The following AKAP6 variants were observed in gnomAD, a reference collection of about 807,000 sequenced individuals.
AKAP6 encodes A-kinase anchor protein 6.
A neutral mutation model predicts 188.5 loss-of-function variants in AKAP6; 58 were observed. The observed-to-expected ratio is 0.31, with a 90% CI of 0.25 to 0.38. The LOEUF is 0.38. AKAP6 is among the 10% of genes least tolerant of loss of function. AKAP6 has a pLI of 1.00. For missense variants in AKAP6, 2,710 were observed against 2,740.0 expected (o/e 0.99, Z 0.24); for synonymous variants, 989 against 998.6 (o/e 0.99, Z 0.18).
intron 7 of AKAP6, among the ~76,000 whole-genome samples, chr14:32,648,035 CTTAA>C (rs1888056645): frequency 6.6e-6 from 1 of 151,966 alleles, no homozygotes; most frequent in Admixed American, 6.6e-5. Context: ...GTATAATTCC[CTTAA>C]TTGTCTTTTC....
intron 2 of AKAP6, among the ~76,000 whole-genome samples, chr14:32,517,059 T>C (rs889996080): frequency 2.0e-5 from 3 of 152,204 alleles, no homozygotes; most frequent in East Asian, 1.9e-4. Flanking sequence ...CAAAAGTGGA[T>C]CATATATGTT....
chr14:32,490,362 T>C (rs558266453), intron 2 of AKAP6, among the ~76,000 whole-genome samples: 2 of 152,348 alleles, frequency 1.3e-5, no homozygotes, highest in Admixed American at 1.3e-4. Flanking sequence ...TAAAACACTT[T>C]TTAAAAATTA....
At chr14:32,524,605 G>A (rs575311109) in intron 2 of AKAP6, among the ~76,000 whole-genome samples, 1 of 152,110 alleles carries the variant, frequency 6.6e-6, no homozygotes, top group Admixed American at 6.6e-5. Flanking sequence ...CTGCCCTAGA[G>A]ATTATTACAA....
At chr14:32,652,303 C>CA (rs1272600542) in intron 7 of AKAP6, among the ~76,000 whole-genome samples, 1 of 152,104 alleles carries the variant, frequency 6.6e-6, no homozygotes, top group African/African-American at 2.4e-5. Flanking sequence ...AGCCACCAGC[C>CA]ACCAAGAACT....
intron 4 of AKAP6, among the ~76,000 whole-genome samples, chr14:32,575,219 G>T (rs796261598): frequency 3.3e-5 from 5 of 152,230 alleles, no homozygotes; most frequent in African/African-American, 1.2e-4. Flanking sequence ...CGAAAGAACA[G>T]ACAAACTGAT....
intron 8 of AKAP6, among the ~76,000 whole-genome samples, chr14:32,687,856 G>A (rs893276153): frequency 3.9e-5 from 6 of 152,042 alleles, no homozygotes; most frequent in Non-Finnish European, 7.4e-5. Context: ...CACTATGTAA[G>A]TATTTAAATA....
rs1424230659 is a variant in AKAP6 at position 32,545,594 on chromosome 14, C to T, written c.941C>T (p.Ala314Val). Residue 314 changes from alanine (A) to valine (V), a missense_variant, in exon 4 of 14, where the codon GCA (alanine) becomes GTA (valine). Ala to Val is a moderately conservative substitution (Grantham distance 64, BLOSUM62 0). Coordinates refer to ENST00000280979, the MANE Select transcript of AKAP6 (RefSeq NM_004274.5). ...GGATGTGAGGAAGACAATGCTTCTG[C>T]AGTCGAAGAGCAACCAGGCTTAACA... The part of the protein sequence containing the change: ...KGGCEEDNAS[A>V]VEEQPGLTLG... 1 of 1,614,210 alleles carries T rather than the reference C, an allele frequency of 6.2e-7. No individual in the cohort carries two copies. The highest frequency in any genetic ancestry group is 8.5e-7 in the Non-Finnish European group (1 of 1,180,014).
rs988186389 is a variant in AKAP6 at position 32,463,131 on chromosome 14, G to C, written c.324+29314G>C. On this transcript the variant is annotated intron_variant, in intron 2 of 13. Coordinates refer to ENST00000280979, the MANE Select transcript of AKAP6 (RefSeq NM_004274.5). ...TTTTAGAGACTGACAAAGAGACTTAGACTCCCACACAGTAATAGTGGGAGA... is the reference window on the plus strand; with the variant it reads ...TTTTAGAGACTGACAAAGAGACTTACACTCCCACACAGTAATAGTGGGAGA... Among the ~76,000 whole-genome samples the C allele has an allele frequency of 2.0e-5, 3 of 152,120 alleles. No individual in the cohort carries two copies. The South Asian group carries it at 6.2e-4, about 32-fold the overall frequency.
chr14:32,433,721 G>T lies in AKAP6; in HGVS notation c.228G>T (p.Trp76Cys), dbSNP rs1460738473. 1 of 1,614,072 alleles carries T rather than the reference G, an allele frequency of 6.2e-7. No individual in the cohort carries two copies. The highest frequency in any genetic ancestry group is 1.3e-5 in the African/African-American group (1 of 74,920). The change falls in exon 2 of 14, where the codon TGG becomes TGT. Residue 76 changes from tryptophan to cysteine, a missense_variant. By Grantham distance (215) the Trp-to-Cys change is radical. Transcript: ENST00000280979. ...TCCACTTACCTGAAATTGAGACCTG[G>T]CTCCGGATGACCTCAGAGAGGGTCC... is the stretch of plus-strand genomic sequence containing the variant. ...IVLHLPEIETWLRMTSERVRD... is the reference protein window; with the variant it reads ...IVLHLPEIETCLRMTSERVRD...
intron 8 of AKAP6, among the ~76,000 whole-genome samples, chr14:32,692,879 C>T (rs914056583): frequency 6.6e-6 from 1 of 152,188 alleles, no homozygotes; most frequent in African/African-American, 2.4e-5. Context: ...TACACTCACA[C>T]TTTCCTAGAA....
chr14:32,422,019 A>T (rs1889866655), intron 1 of AKAP6, among the ~76,000 whole-genome samples: 1 of 152,182 alleles, frequency 6.6e-6, no homozygotes, highest in African/African-American at 2.4e-5. Context: ...CATTCTTTCT[A>T]GGTAATAAAC....
intron 1 of AKAP6, among the ~76,000 whole-genome samples, chr14:32,351,479 T>C (rs1482914359): frequency 1.3e-5 from 2 of 151,814 alleles, no homozygotes; most frequent in African/African-American, 4.8e-5. Context: ...GGAGAATCGC[T>C]TGAACCCTGG....
At chr14:32,747,303 A>T (rs1477852754) in intron 11 of AKAP6, among the ~76,000 whole-genome samples, 1 of 152,224 alleles carries the variant, frequency 6.6e-6, no homozygotes, top group Non-Finnish European at 1.5e-5. Flanking sequence ...AGGTGCCTGG[A>T]TCATCCCTGC....
At chr14:32,709,450 T>G (rs1191938962) in intron 9 of AKAP6, among the ~76,000 whole-genome samples, 1 of 152,038 alleles carries the variant, frequency 6.6e-6, no homozygotes, top group Non-Finnish European at 1.5e-5. Flanking sequence ...TACTTTCTGA[T>G]TTGAATCACC....
At chr14:32,748,927 A>G (rs2032019111) in intron 11 of AKAP6, among the ~76,000 whole-genome samples, 1 of 152,078 alleles carries the variant, frequency 6.6e-6, no homozygotes, top group African/African-American at 2.4e-5. Flanking sequence ...AAATTATTGC[A>G]TTATGAGTGC....
At chr14:32,419,196 C>A (rs961708019) in intron 1 of AKAP6, among the ~76,000 whole-genome samples, 11 of 152,118 alleles carry the variant, frequency 7.2e-5, no homozygotes, top group African/African-American at 2.7e-4. Context: ...ATTATTCTTT[C>A]TGTAATAAAG....
At chr14:32,588,885 TAAG>T (rs1885364094) in intron 5 of AKAP6, among the ~76,000 whole-genome samples, 2 of 152,234 alleles carry the variant, frequency 1.3e-5, no homozygotes, top group Non-Finnish European at 2.9e-5. Context: ...GTTTGTCTCA[TAAG>T]AAAAACCAAT....
chr14:32,594,479 A>T (rs1235906547), intron 5 of AKAP6, among the ~76,000 whole-genome samples: 1 of 152,178 alleles, frequency 6.6e-6, no homozygotes, highest in Non-Finnish European at 1.5e-5. Flanking sequence ...ATGCTTACTC[A>T]TAGAAATCTT....
chr14:32,568,069 A>G lies in AKAP6; in HGVS notation c.2347-9051A>G, dbSNP rs1884283814. On this transcript the variant is annotated intron_variant, in intron 4 of 13. Transcript: ENST00000280979. This position sits in a 1 kb window ranked among gnomAD's most constrained non-coding sequence, Gnocchi z 6.2. ...AAGAAAGAAAAGAAAGGCTGAAAAG[A>G]GAGAGCACAGAGTACAGGAAGAATG... Among the ~76,000 whole-genome samples the G allele has an allele frequency of 6.6e-6, 1 of 152,298 alleles. No homozygotes were observed. Among genetic ancestry groups the G allele is most frequent in the Non-Finnish European group, 1.5e-5 (1 of 68,024 alleles).
Sources: gnomAD v4.1 joint callset for allele counts (sites outside exome capture counted in the v4.1 genomes callset) on GRCh38, gnomAD v4.1.1 for gene constraint, Gnocchi (gnomAD v3.1) non-coding constraint, MANE v1.5 for transcripts, NCBI Gene and HGNC (gene_info 2026-07-23, HGNC 2026-07-21) for gene names.